SPMIP7: variants seen among roughly 807,000 people sequenced by gnomAD.
SPMIP7 encodes protein SPMIP7.
the SPMIP7 span, among the ~76,000 whole-genome samples, chr7:50,127,756 C>T: frequency 6.6e-6 from 1 of 151,792 alleles, no homozygotes; most frequent in South Asian, 2.1e-4. Flanking sequence ...ATCAAAACCA[C>T]AGTGAGATAT....
the SPMIP7 span, among the ~76,000 whole-genome samples, chr7:50,141,041 C>T: frequency 6.6e-6 from 1 of 152,240 alleles, no homozygotes; most frequent in African/African-American, 2.4e-5. Context: ...ACAGCCCTTA[C>T]TGTCACTCTG....
chr7:50,158,959 C>T, the SPMIP7 span: 2 of 1,388,894 alleles, frequency 1.4e-6, no homozygotes, highest in Admixed American at 4.2e-5. Flanking sequence ...CCTTCCCGCA[C>T]AGGGGTATCA....
At chr7:50,151,550 C>T in the SPMIP7 span, 2 of 1,546,884 alleles carry the variant, frequency 1.3e-6, no homozygotes, top group African/African-American at 1.4e-5. Context: ...AGATTCAGAA[C>T]TGCACCGGTA....
chr7:50,126,503 AAG>A, the SPMIP7 span, among the ~76,000 whole-genome samples: 1 of 151,998 alleles, frequency 6.6e-6, no homozygotes, highest in South Asian at 2.1e-4. Flanking sequence ...TCAGAAATAA[AAG>A]AGGGAGTACT....
chr7:50,134,025 C>A, the SPMIP7 span: 2 of 1,262,264 alleles, frequency 1.6e-6, no homozygotes, highest in East Asian at 2.6e-5. Flanking sequence ...TCTTCGGATT[C>A]TCTTATCATA....
the SPMIP7 span, chr7:50,151,621 T>C: frequency 9.1e-7 from 1 of 1,100,350 alleles, no homozygotes; most frequent in South Asian, 1.6e-5. Context: ...CTAATTGTGG[T>C]TATTCCATTA....
chr7:50,096,665 T>G, the SPMIP7 span: 2 of 1,474,008 alleles, frequency 1.4e-6, no homozygotes, highest in Non-Finnish European at 1.8e-6. Context: ...GAACTTTCTA[T>G]TTTTTAAATG....
the SPMIP7 span, chr7:50,117,290 T>G: frequency 6.6e-6 from 3 of 455,680 alleles, no homozygotes; most frequent in South Asian, 3.1e-5. Flanking sequence ...AATCACATAT[T>G]ATAGCCTGTG....
the SPMIP7 span, chr7:50,117,303 T>C: frequency 1.1e-5 from 5 of 453,120 alleles, no homozygotes; most frequent in African/African-American, 8.0e-5. Flanking sequence ...AGCCTGTGAT[T>C]GGACTCAGTA....
At chr7:50,099,339 C>T in the SPMIP7 span, among the ~76,000 whole-genome samples, 1 of 152,110 alleles carries the variant, frequency 6.6e-6, no homozygotes, top group Non-Finnish European at 1.5e-5. Context: ...TTCTCTTGAC[C>T]TTGGTGAGCA....
At chr7:50,133,335 G>T in the SPMIP7 span, among the ~76,000 whole-genome samples, 1 of 152,142 alleles carries the variant, frequency 6.6e-6, no homozygotes, top group African/African-American at 2.4e-5. Flanking sequence ...CTGCATTAGT[G>T]TGGAATAGTG....
At chr7:50,115,347 A>G in the SPMIP7 span, among the ~76,000 whole-genome samples, 2 of 152,192 alleles carry the variant, frequency 1.3e-5, no homozygotes, top group African/African-American at 4.8e-5. Context: ...AGGCAGATTT[A>G]CCGTTAGTAG....
At chr7:50,096,088 G>A in the SPMIP7 span, 2 of 1,469,986 alleles carry the variant, frequency 1.4e-6, no homozygotes, top group East Asian at 2.5e-5. Context: ...AAAAGGCCAT[G>A]GATGTAGAAA....
chr7:50,098,308 A>G, the SPMIP7 span, among the ~76,000 whole-genome samples: 2 of 152,100 alleles, frequency 1.3e-5, no homozygotes, highest in Non-Finnish European at 2.9e-5. Context: ...CTACCAATTA[A>G]CAATTCTAAA....
chr7:50,114,451 AG>A, the SPMIP7 span, among the ~76,000 whole-genome samples: 1 of 152,128 alleles, frequency 6.6e-6, no homozygotes, highest in Admixed American at 6.5e-5. Context: ...TAAACCCTGG[AG>A]TTAAAGATGT....
chr7:50,154,624 A>T, the SPMIP7 span, among the ~76,000 whole-genome samples: 4 of 152,230 alleles, frequency 2.6e-5, no homozygotes, highest in African/African-American at 7.2e-5. Flanking sequence ...ATCTATCAAC[A>T]GACATCGAGG....
the SPMIP7 span, among the ~76,000 whole-genome samples, chr7:50,131,376 A>G: frequency 6.6e-6 from 1 of 152,198 alleles, no homozygotes; most frequent in African/African-American, 2.4e-5. Context: ...TTTTACATAC[A>G]TTGAATATAA....
chr7:50,096,435 C>G, the SPMIP7 span: 38 of 1,551,516 alleles, frequency 2.4e-5, no homozygotes, highest in Non-Finnish European at 3.2e-5. Context: ...GGTGGTGATG[C>G]TGATTTAAAT....
At chr7:50,096,517 A>G in the SPMIP7 span, 1 of 1,551,706 alleles carries the variant, frequency 6.4e-7, no homozygotes, top group African/African-American at 1.4e-5. Context: ...GAGTTCCCAG[A>G]CCAGACACAG....
Sources: gnomAD v4.1 joint callset for allele counts (sites outside exome capture counted in the v4.1 genomes callset) on GRCh38, gnomAD v4.1.1 for gene constraint, MANE v1.5 for transcripts, NCBI Gene and HGNC (gene_info 2026-07-23, HGNC 2026-07-21) for gene names.